Variants in GUCY1A1 observed in about 807,000 individuals in gnomAD.
GUCY1A1 encodes the protein guanylate cyclase soluble subunit alpha-1.
A neutral mutation model predicts 64.5 loss-of-function variants in GUCY1A1; 48 were observed. The ratio of observed to expected loss-of-function variants is 0.74; its 90% CI spans 0.59 to 0.95. GUCY1A1 has a LOEUF of 0.95. Ranked by LOEUF, GUCY1A1 falls within the 40% of genes least tolerant of loss-of-function variation. The pLI, the probability that GUCY1A1 is intolerant of heterozygous loss-of-function variation, is 0.00. For missense variants in GUCY1A1, 804 were observed against 825.3 expected (o/e 0.97, Z 0.32); for synonymous variants, 308 against 303.4 (o/e 1.02, Z -0.16).
At chr4:155,676,767 T>C (rs770980775) in intron 2 of GUCY1A1, among the ~76,000 whole-genome samples, 7 of 151,676 alleles carry the variant, frequency 4.6e-5, no homozygotes, top group South Asian at 4.1e-4. Flanking sequence ...GGTCATGTTG[T>C]CTTAGCTGCA....
chr4:155,704,957 C>G (rs564494442), intron 4 of GUCY1A1, among the ~76,000 whole-genome samples: 1 of 152,202 alleles, frequency 6.6e-6, no homozygotes, highest in East Asian at 1.9e-4. Flanking sequence ...AATCTTGGCT[C>G]ACTACAACCT....
chr4:155,721,563 T>C (rs370621356), intron 8 of GUCY1A1, among the ~76,000 whole-genome samples: 2 of 152,302 alleles, frequency 1.3e-5, no homozygotes, highest in African/African-American at 4.8e-5. Flanking sequence ...GGTATAAAGC[T>C]ATTTTGAGGT....
chr4:155,700,745 AG>A (rs750653829), intron 3 of GUCY1A1, among the ~76,000 whole-genome samples: 4 of 152,284 alleles, frequency 2.6e-5, no homozygotes, highest in East Asian at 1.9e-4. Context: ...TACAAATAAG[AG>A]GATCTGTTCC....
At chr4:155,703,908 A>T in intron 3 of GUCY1A1, 24 bp from the exon 4 acceptor site, 2 of 1,483,186 alleles carry the variant, frequency 1.3e-6, no homozygotes, top group South Asian at 1.2e-5. Context: ...GGGAATGTTT[A>T]AAACATTTCT....
chr4:155,711,451 A>G, intron 6 of GUCY1A1, 200 bp downstream of exon 6: 1 of 417,980 alleles, frequency 2.4e-6, no homozygotes, highest in Non-Finnish European at 4.2e-6. Flanking sequence ...CATTACTCCA[A>G]AAATATTTAT....
At chr4:155,671,402 A>G (rs933478445) in intron 2 of GUCY1A1, among the ~76,000 whole-genome samples, 10 of 152,194 alleles carry the variant, frequency 6.6e-5, no homozygotes, top group Non-Finnish European at 1.2e-4. Context: ...ACATAACTGT[A>G]TCTTGTAGCC....
rs569238151 is a variant in GUCY1A1, at chr4:155,736,840, T to C, written c.*6609T>C. ...TTTTTTCTGTATATGTAAATATAGC[T>C]ATTGGACCCTGCATTGAAAACCTTC... On this transcript the variant is annotated 3_prime_UTR_variant, in exon 10 of 10. Transcript: ENST00000506455. 6.6e-6 allele frequency: 1 copy of C among 152,048 alleles called. No homozygotes were observed. Among genetic ancestry groups the C allele is most frequent in the East Asian group, 1.9e-4 (1 of 5,154 alleles). The allele number at this position is 152,048 out of a possible 1,614,324, so 9.4% of individuals were successfully genotyped here. A position where few individuals can be genotyped will look rare whatever the true frequency, so the allele number is the denominator to read the frequency against.
chr4:155,725,758 A>C (rs1450988770), intron 9 of GUCY1A1, among the ~76,000 whole-genome samples: 1 of 152,058 alleles, frequency 6.6e-6, no homozygotes, highest in Non-Finnish European at 1.5e-5. Flanking sequence ...GCAGAGGACC[A>C]CAACATGTTG....
intron 5 of GUCY1A1, among the ~76,000 whole-genome samples, chr4:155,709,581 C>T (rs968901815): frequency 5.9e-5 from 9 of 152,182 alleles, no homozygotes; most frequent in African/African-American, 2.2e-4. Context: ...CGCCTATAAT[C>T]CCAGCACTTT....
At chr4:155,697,359 CTTTATGATTT>C (rs1339666206) in intron 3 of GUCY1A1, among the ~76,000 whole-genome samples, 2 of 152,242 alleles carry the variant, frequency 1.3e-5, no homozygotes, top group African/African-American at 4.8e-5. Flanking sequence ...GTCTGACAAA[CTTTATGATTT>C]TGGGCAACAG....
chr4:155,707,819 T>TTTTC (rs1295624521), intron 4 of GUCY1A1, among the ~76,000 whole-genome samples: 7 of 130,800 alleles, frequency 5.4e-5, no homozygotes, highest in Non-Finnish European at 8.5e-5. Context: ...ATTTAAACTA[T>TTTTC]TTTCTTTCTT....
Position 155,717,311 on chromosome 4 carries a change from G to A in GUCY1A1, c.1716+9G>A. 1 of 1,545,350 alleles carries A rather than the reference G, an allele frequency of 6.5e-7. No individual in the cohort carries two copies. The highest frequency in any genetic ancestry group is 1.4e-5 in the African/African-American group (1 of 72,720). ...ATGGAGAACCTATCAAGGTAAGGCA[G>A]ATGATATATTGTCCAAAAGATGTCA... On this transcript the variant is annotated intron_variant, in intron 8 of 9. Transcript: ENST00000506455.
chr4:155,708,380 T>G (rs1732088567), intron 5 of GUCY1A1, 86 bp downstream of exon 5: 1 of 743,556 alleles, frequency 1.3e-6, no homozygotes, highest in African/African-American at 1.8e-5. Flanking sequence ...ATTTATTTGT[T>G]GGTGACTCCC....
chr4:155,687,820 G>C (rs1729190020), intron 2 of GUCY1A1, among the ~76,000 whole-genome samples: 1 of 152,100 alleles, frequency 6.6e-6, no homozygotes, highest in South Asian at 2.1e-4. Flanking sequence ...CTGCCTCAGG[G>C]AACAACTGGG....
intron 2 of GUCY1A1, among the ~76,000 whole-genome samples, chr4:155,676,201 A>G (rs1734901046): frequency 6.6e-6 from 1 of 151,400 alleles, no homozygotes; most frequent in Non-Finnish European, 1.5e-5. Context: ...GACATAGATA[A>G]GAAAATGAGA....
At chr4:155,707,969 G>T (rs1226518803) in intron 4 of GUCY1A1, among the ~76,000 whole-genome samples, 1 of 151,886 alleles carries the variant, frequency 6.6e-6, no homozygotes, top group Non-Finnish European at 1.5e-5. Flanking sequence ...CTCCCAAGTA[G>T]CTGGGATTAT....
At chr4:155,712,084 T>C (rs1194948064) in intron 6 of GUCY1A1, among the ~76,000 whole-genome samples, 1 of 152,186 alleles carries the variant, frequency 6.6e-6, no homozygotes, top group Non-Finnish European at 1.5e-5. Context: ...ATAGGTCTAT[T>C]TGGCTTTCTT....
chr4:155,685,895 T>G (rs891753706), intron 2 of GUCY1A1, among the ~76,000 whole-genome samples: 2 of 152,140 alleles, frequency 1.3e-5, no homozygotes, highest in African/African-American at 2.4e-5. Context: ...TCCCCTACCA[T>G]TCGGTGAGTT....
At chr4:155,706,255 T>A (rs1450013083) in intron 4 of GUCY1A1, among the ~76,000 whole-genome samples, 1 of 152,232 alleles carries the variant, frequency 6.6e-6, no homozygotes, top group Admixed American at 6.5e-5. Context: ...TGAAACAAGA[T>A]TTTTGCTCAT....
Sources: allele counts gnomAD v4.1 joint callset (sites outside exome capture counted in the v4.1 genomes callset), GRCh38; gene constraint gnomAD v4.1.1; transcripts MANE v1.5; gene names NCBI Gene and HGNC (gene_info 2026-07-23, HGNC 2026-07-21).